CTPS1: variants seen among roughly 807,000 people sequenced by gnomAD.
CTPS1 encodes CTP synthetase 1.
In CTPS1, 25 loss-of-function variants were observed where a neutral mutation model predicts 80.5. The ratio of observed to expected loss-of-function variants is 0.31; its 90% CI spans 0.23 to 0.43. The LOEUF (loss-of-function observed/expected upper bound fraction) is 0.43. Ranked by LOEUF, CTPS1 falls within the 20% of genes least tolerant of loss-of-function variation. The probability of loss-of-function intolerance (pLI) is 1.00; values close to 1 mark genes in which losing one functional copy is unlikely to be tolerated. For missense variants in CTPS1, 442 were observed against 725.7 expected, an observed-to-expected ratio of 0.61 and a Z score of 4.49; for synonymous variants, 267 against 252.5, an observed-to-expected ratio of 1.06 and a Z score of -0.54.
chr1:41,006,925 G>T (rs899737348), intron 13 of CTPS1, among the ~76,000 whole-genome samples: 27 of 152,290 alleles, frequency 1.8e-4, no homozygotes, highest in Admixed American at 5.2e-4. Flanking sequence ...TGGGGCTTTG[G>T]GGTCAGGAGG....
At chr1:40,993,190 A>G (rs1642660724) in intron 7 of CTPS1, among the ~76,000 whole-genome samples, 1 of 151,186 alleles carries the variant, frequency 6.6e-6, no homozygotes, top group African/African-American at 2.4e-5. Flanking sequence ...AGCTGGGATT[A>G]TAGGCACCTG....
chr1:41,001,676 G>A (rs927162330), intron 10 of CTPS1: 1 of 156,744 alleles, frequency 6.4e-6, no homozygotes, highest in South Asian at 1.9e-4. Context: ...TTGAGAGGCT[G>A]AGGTGGGAGG....
In CTPS1 at chr1:40,991,394, G is replaced by A. The variant is rs1642607648; in HGVS notation, c.639+146G>A. ...TAGGATTAGTTCTTTGAACCGGGCT[G>A]TAGTTTGCAAGATGTTCATACTTAG... On this transcript the variant is annotated intron_variant, in intron 6 of 18. Coordinates refer to ENST00000650070, the MANE Select transcript of CTPS1 (RefSeq NM_001905.4). The A allele has an allele frequency of 3.1e-5, 20 of 646,444 alleles. No individual in the cohort carries two copies. The South Asian group carries it at 3.8e-4, about 12-fold the overall frequency. 40.0% of individuals were successfully genotyped at this position (646,444 alleles called of 1,614,324 possible). A position where few individuals can be genotyped will look rare whatever the true frequency, so the allele number is the denominator to read the frequency against.
chr1:40,987,439 A>G lies in CTPS1; in HGVS notation c.405A>G (p.Glu135=), dbSNP rs1570944882. The stretch of plus-strand genomic sequence containing the variant: ...GACAGGCGTTAATACCTGTAGATGA[A>G]GATGGCCTGGAACCTCAAGTGTGTG... ...VMRQALIPVD[E]DGLEPQVCVI... is the part of the protein sequence containing the mutation. Residue 135 remains glutamate (E), a synonymous_variant, in exon 4 of 19, where the codon GAA becomes GAG. Coordinates refer to ENST00000650070, the MANE Select transcript of CTPS1 (RefSeq NM_001905.4). The G allele has an allele frequency of 8.7e-6, 14 of 1,613,922 alleles. No homozygotes were observed. Among genetic ancestry groups the G allele is most frequent in the Non-Finnish European group, 1.1e-5 (13 of 1,179,810 alleles).
At position 41,008,719 on chromosome 1, in the gene CTPS1, G is replaced by A; in HGVS notation, c.1449+5G>A. 6.2e-7 allele frequency: 1 copy of A among 1,614,198 alleles called. No individual in the cohort carries two copies. Among genetic ancestry groups the A allele is most frequent in the Non-Finnish European group, 8.5e-7 (1 of 1,180,024 alleles). ...AGGCACCGCCACCGATTTGAGGTGA[G>A]GATTCCAGCTTGCTGGTACTCTGGA... On this transcript the variant is annotated splice_donor_5th_base_variant and intron_variant, in intron 15 of 18. Coordinates refer to ENST00000650070, the MANE Select transcript of CTPS1 (RefSeq NM_001905.4).
At chr1:40,994,737 G>A (rs1558148264) in intron 7 of CTPS1, among the ~76,000 whole-genome samples, 1 of 152,058 alleles carries the variant, frequency 6.6e-6, no homozygotes. Context: ...TACTGAAAGT[G>A]GCCATTCTGG....
intron 1 of CTPS1, chr1:40,981,902 C>CTCCTTAGTTTTCTTGT: frequency 3.8e-6 from 4 of 1,046,438 alleles, no homozygotes; most frequent in Non-Finnish European, 5.2e-6. Context: ...TCGAGCACAA[C>CTCCTTAGTTTTCTTGT]TCCTTAGTTT....
intron 12 of CTPS1, among the ~76,000 whole-genome samples, chr1:41,003,807 A>G (rs1266087861): frequency 1.3e-5 from 2 of 152,220 alleles, no homozygotes; most frequent in African/African-American, 2.4e-5. Context: ...TTCTCATCTC[A>G]GTATTCTGTG....
In CTPS1 at chr1:40,988,582, T is replaced by C; in HGVS notation, c.439-12T>C. 1 of 1,601,322 alleles carries C rather than the reference T, an allele frequency of 6.2e-7. No individual in the cohort carries two copies. Among genetic ancestry groups the C allele is most frequent in the South Asian group, 1.1e-5 (1 of 90,648 alleles). On this transcript the variant is annotated splice_polypyrimidine_tract_variant and intron_variant, in intron 4 of 18. Transcript: ENST00000650070. Reference sequence around the variant, plus strand: ...TTAGTGCCTAACCTCTGAAACAACTTTGTTCTTCTAGCTTGGTGGAACCGT... The same window carrying C: ...TTAGTGCCTAACCTCTGAAACAACTCTGTTCTTCTAGCTTGGTGGAACCGT...
At chr1:41,002,276 TCTTCA>T (rs781466416) in intron 11 of CTPS1, 22 bp downstream of exon 11, 18 of 1,598,012 alleles carry the variant, frequency 1.1e-5, no homozygotes, top group Non-Finnish European at 1.5e-5. Context: ...TGCAGTGCAG[TCTTCA>T]CTTAAGAGTA....
At chr1:40,992,191 C>A (rs1231068530) in intron 7 of CTPS1, among the ~76,000 whole-genome samples, 1 of 152,212 alleles carries the variant, frequency 6.6e-6, no homozygotes, top group Non-Finnish European at 1.5e-5. Flanking sequence ...GTCTCCTACT[C>A]ACTCTCATCC....
intron 9 of CTPS1, among the ~76,000 whole-genome samples, chr1:41,000,643 A>G (rs1303679244): frequency 2.6e-5 from 4 of 152,088 alleles, no homozygotes; most frequent in African/African-American, 9.7e-5. Flanking sequence ...TTATGCTTCA[A>G]TATGGTAGAA....
intron 5 of CTPS1, among the ~76,000 whole-genome samples, 190 bp from the exon 6 acceptor site, chr1:40,990,975 T>C (rs1642592166): frequency 6.6e-6 from 1 of 152,184 alleles, no homozygotes. Flanking sequence ...CCGATACTGC[T>C]TACAAGCTCG....
At chr1:40,982,018 A>G (rs1431389736) in intron 1 of CTPS1, 48 of 1,288,466 alleles carry the variant, frequency 3.7e-5, no homozygotes, top group Non-Finnish European at 4.8e-5. Context: ...GCTACTTTCT[A>G]ATTGTGTTTT....
At position 40,987,317 on chromosome 1, in the gene CTPS1, CTCAA is replaced by C. The variant is rs1642480901; in HGVS notation, c.338-49_338-46del. The C allele has an allele frequency of 6.9e-6, 9 of 1,295,344 alleles. No individual in the cohort carries two copies. In the Admixed American group the frequency reaches 8.7e-5, roughly 12 times the overall value. The allele number at this position is 1,295,344 out of a possible 1,614,324, so 80.2% of individuals were successfully genotyped here. A position where few individuals can be genotyped will look rare whatever the true frequency, so the allele number is the denominator to read the frequency against. ...TTGTTTTCACAGTAAGTGCATTTGT[CTCAA>C]TCAATGTAGATGGACAAGCGTAAGT... On this transcript the variant is annotated intron_variant, in intron 3 of 18. Transcript: ENST00000650070.
chr1:40,996,323 T>A (rs1433965932), intron 8 of CTPS1, among the ~76,000 whole-genome samples: 1 of 152,178 alleles, frequency 6.6e-6, no homozygotes, highest in Non-Finnish European at 1.5e-5. Context: ...CTTAACACGC[T>A]TGTCTCTTAC....
At chr1:41,003,608 C>T (rs903926785) in intron 12 of CTPS1, among the ~76,000 whole-genome samples, 12 of 152,240 alleles carry the variant, frequency 7.9e-5, no homozygotes, top group South Asian at 6.2e-4. Context: ...TATGGGCCTC[C>T]GTTTTTTCTG....
intron 7 of CTPS1, among the ~76,000 whole-genome samples, chr1:40,992,161 C>T (rs1642627739): frequency 6.6e-6 from 1 of 152,242 alleles, no homozygotes; most frequent in Non-Finnish European, 1.5e-5. Flanking sequence ...CCATGTCCCC[C>T]TCTTCCTGTT....
chr1:40,992,083 C>T (rs1394184669), intron 7 of CTPS1, among the ~76,000 whole-genome samples: 3 of 152,204 alleles, frequency 2.0e-5, no homozygotes, highest in South Asian at 2.1e-4. Flanking sequence ...GAGTATCTTT[C>T]GGTTCCCCTA....
Sources: gnomAD v4.1 joint callset for allele counts (sites outside exome capture counted in the v4.1 genomes callset) on GRCh38, gnomAD v4.1.1 for gene constraint, MANE v1.5 for transcripts, NCBI Gene and HGNC (gene_info 2026-07-23, HGNC 2026-07-21) for gene names.